HACE1: variants seen among roughly 807,000 people sequenced by gnomAD.
HACE1 encodes the protein HECT domain and ankyrin repeat containing E3 ubiquitin protein ligase 1.
HACE1 carries 73 observed loss-of-function variants against 118.4 expected under a neutral mutation model. That is an observed-to-expected ratio of 0.62 (90% CI 0.51 to 0.75). The LOEUF (loss-of-function observed/expected upper bound fraction) is 0.75. Among genes scored for constraint, HACE1 ranks in the 30% least tolerant of loss-of-function variants. The pLI is 0.00. For synonymous variants in HACE1, 368 were observed against 374.8 expected (o/e 0.98, Z 0.21); for missense variants, 749 against 1,102.2 (o/e 0.68, Z 4.54).
In HACE1 at chr6:104,831,980, G is replaced by GAGGAAGGA. The variant is rs71276551; in HGVS notation, c.534+1054_534+1061dup. 2.9e-3 allele frequency among the ~76,000 whole-genome samples: 184 copies of GAGGAAGGA among 62,888 alleles called. 4 individuals are homozygous for GAGGAAGGA. The highest frequency in any genetic ancestry group is 6.4e-3 in the African/African-American group (87 of 13,500). 41.3% of individuals were successfully genotyped at this position (62,888 alleles called of 152,430 possible). Reference sequence around the variant, plus strand: ...GAAGAGAAGAGAAGAGAAGAGAAGAGAGGAAGGAAGGAAGGAAGGAAGGAA... The same window carrying GAGGAAGGA: ...GAAGAGAAGAGAAGAGAAGAGAAGAGAGGAAGGAAGGAAGGAAGGAAGGAAGGAAGGAA... On this transcript the variant is annotated intron_variant, in intron 6 of 23. Coordinates refer to ENST00000262903, the MANE Select transcript of HACE1 (RefSeq NM_020771.4).
intron 19 of HACE1, among the ~76,000 whole-genome samples, chr6:104,770,961 A>C (rs1780536916): frequency 6.6e-6 from 1 of 152,226 alleles, no homozygotes; most frequent in Non-Finnish European, 1.5e-5. Context: ...CTATCAGCTG[A>C]AGTGCTCTCG....
rs1426276558 is a variant in HACE1, at chr6:104,774,091, TTTTTTTTTTTTTTTTTG to T, written c.1865-2034_1865-2018del. Among the ~76,000 whole-genome samples, 32 of 82,428 alleles carry T rather than the reference TTTTTTTTTTTTTTTTTG, an allele frequency of 3.9e-4. 2 individuals are homozygous for T. Among genetic ancestry groups the T allele is most frequent in the Middle Eastern group, 6.3e-3 (1 of 158 alleles). 54.1% of individuals were successfully genotyped at this position (82,428 alleles called of 152,430 possible). On this transcript the variant is annotated intron_variant, in intron 17 of 23. Coordinates refer to ENST00000262903, the MANE Select transcript of HACE1 (RefSeq NM_020771.4). Reference sequence around the variant, plus strand: ...TTATCATCTTTTCTCTTTTTTTTTTTTTTTTTTTTTTTTTTTGAGACGGAGTCTCGCTCTGTCGCCCA... The same window carrying T: ...TTATCATCTTTTCTCTTTTTTTTTTTAGACGGAGTCTCGCTCTGTCGCCCA...
intron 13 of HACE1, 114 bp from the exon 14 acceptor site, chr6:104,784,287 C>T: frequency 1.1e-6 from 1 of 870,514 alleles, no homozygotes; most frequent in South Asian, 1.4e-5. Context: ...TAATCCATAT[C>T]TATTAAAGTT....
chr6:104,831,254 G>A (rs1332986111), intron 6 of HACE1: 1 of 152,154 alleles, frequency 6.6e-6, no homozygotes, highest in Non-Finnish European at 1.5e-5. Context: ...GGAAAGCATT[G>A]TCATAAAACA....
rs1780665746 is a variant in HACE1 at position 104,771,994 on chromosome 6, C to T, written c.1945G>A (p.Gly649Arg). Reference sequence around the variant, plus strand: ...AGCTGCCTGTGGTTCAACGCTAATCCCAAGATCTGCCCAGCAAACCGAAAA... The same window carrying T: ...AGCTGCCTGTGGTTCAACGCTAATCTCAAGATCTGCCCAGCAAACCGAAAA... Reference protein sequence around the residue: ...NYFRFAGQILGLALNHRQLVN... With the variant: ...NYFRFAGQILRLALNHRQLVN... Residue 649 changes from glycine (G) to arginine (R), a missense_variant, in exon 18 of 24, where the codon GGA becomes AGA. Physicochemically the swap from Gly to Arg is moderately radical, Grantham distance 125. Coordinates refer to ENST00000262903, the MANE Select transcript of HACE1 (RefSeq NM_020771.4). The T allele has an allele frequency of 6.2e-7, 1 of 1,609,086 alleles. No homozygotes were observed. The highest frequency in any genetic ancestry group is 8.5e-7 in the Non-Finnish European group (1 of 1,175,754).
At chr6:104,750,259 T>C in intron 20 of HACE1, 82 bp downstream of exon 20, 1 of 1,137,054 alleles carries the variant, frequency 8.8e-7, no homozygotes, top group East Asian at 2.4e-5. Flanking sequence ...TTCATCATAA[T>C]ACTCCACAAT....
intron 19 of HACE1, among the ~76,000 whole-genome samples, chr6:104,755,487 TCAC>T (rs1778499854): frequency 1.3e-5 from 2 of 152,174 alleles, no homozygotes; most frequent in South Asian, 4.1e-4. Flanking sequence ...ATTCTTCTCA[TCAC>T]CACATGACAC....
At chr6:104,793,294 C>T (rs866419116) in intron 10 of HACE1, among the ~76,000 whole-genome samples, 9 of 150,302 alleles carry the variant, frequency 6.0e-5, no homozygotes, top group Admixed American at 4.0e-4. Flanking sequence ...AAATTAATTT[C>T]CTAACTCAAA....
intron 19 of HACE1, among the ~76,000 whole-genome samples, chr6:104,765,250 T>C (rs1383682983): frequency 6.6e-6 from 1 of 152,206 alleles, no homozygotes; most frequent in Non-Finnish European, 1.5e-5. Context: ...TATAAAATAT[T>C]TTCCCTGGTG....
chr6:104,742,711 G>T (rs867897968), intron 22 of HACE1, among the ~76,000 whole-genome samples: 3 of 151,506 alleles, frequency 2.0e-5, no homozygotes, highest in Non-Finnish European at 4.4e-5. Flanking sequence ...TACACTGTTG[G>T]TGGGACTGTA....
chr6:104,761,548 C>T (rs376783312), intron 19 of HACE1, among the ~76,000 whole-genome samples: 5 of 152,280 alleles, frequency 3.3e-5, no homozygotes, highest in African/African-American at 1.2e-4. Context: ...AAAATCAACT[C>T]AAGACGGATG....
chr6:104,729,789 T>A, intron 23 of HACE1, 25 bp from the exon 24 acceptor site: 1 of 944,576 alleles, frequency 1.1e-6, no homozygotes, highest in Non-Finnish European at 1.7e-6. Flanking sequence ...TATACCACCA[T>A]TAAACAGGAA....
In HACE1 at chr6:104,797,489, TA is replaced by T. The variant is rs111732820; in HGVS notation, c.618-465del. 6.5e-3 allele frequency among the ~76,000 whole-genome samples: 851 copies of T among 131,002 alleles called. 2 individuals carry two copies. The highest frequency in any genetic ancestry group is 0.018 in the African/African-American group (637 of 34,946). 85.9% of individuals were successfully genotyped at this position (131,002 alleles called of 152,430 possible). A position where few individuals can be genotyped will look rare whatever the true frequency, so the allele number is the denominator to read the frequency against. ...TTTATGGCACACTTGTAATACTTTG[TA>T]AAAAAAAAAAAAATTAAAAGGAAGG... is the stretch of plus-strand genomic sequence containing the variant. On this transcript the variant is annotated intron_variant, in intron 7 of 23. Transcript: ENST00000262903.
chr6:104,804,241 T>C (rs1366638749), intron 7 of HACE1, among the ~76,000 whole-genome samples: 3 of 152,284 alleles, frequency 2.0e-5, no homozygotes, highest in African/African-American at 7.2e-5. Context: ...AAGAACATTC[T>C]ATGCTCATGG....
chr6:104,746,935 CATT>C (rs1379414293), intron 20 of HACE1, among the ~76,000 whole-genome samples: 3 of 151,864 alleles, frequency 2.0e-5, no homozygotes, highest in Admixed American at 1.3e-4. Context: ...AAATGACTAA[CATT>C]ATATTCTCTC....
chr6:104,767,094 G>C (rs1340321385), intron 19 of HACE1, among the ~76,000 whole-genome samples: 1 of 152,082 alleles, frequency 6.6e-6, no homozygotes. Flanking sequence ...ACTAAATAAA[G>C]AGAAATAGCT....
At position 104,840,734 on chromosome 6, in the gene HACE1, C is replaced by T. The variant is rs576587607; in HGVS notation, c.402+2489G>A. On this transcript the variant is annotated intron_variant, in intron 5 of 23. Coordinates refer to ENST00000262903, the MANE Select transcript of HACE1 (RefSeq NM_020771.4). Reference sequence around the variant, plus strand: ...ATCCCAGCACTTTGGGAGGCCAAGGCGGGCAGATCACCTGAGGTCAGGAGT... The same window carrying T: ...ATCCCAGCACTTTGGGAGGCCAAGGTGGGCAGATCACCTGAGGTCAGGAGT... 3.0e-4 allele frequency among the ~76,000 whole-genome samples: 46 copies of T among 152,126 alleles called. No homozygotes were observed. The East Asian group carries it at 4.1e-3, about 13-fold the overall frequency.
chr6:104,757,878 G>C (rs1393566334), intron 19 of HACE1, among the ~76,000 whole-genome samples: 3 of 152,188 alleles, frequency 2.0e-5, no homozygotes, highest in East Asian at 3.9e-4. Context: ...GAAAACCACA[G>C]TATGAAAACT....
intron 20 of HACE1, among the ~76,000 whole-genome samples, chr6:104,749,852 G>A (rs1777848231): frequency 6.6e-6 from 1 of 152,028 alleles, no homozygotes; most frequent in African/African-American, 2.4e-5. Flanking sequence ...GGATGGCAAA[G>A]ACGATGGACT....
Sources: allele counts gnomAD v4.1 joint callset (sites outside exome capture counted in the v4.1 genomes callset), GRCh38; gene constraint gnomAD v4.1.1; transcripts MANE v1.5; gene names NCBI Gene and HGNC (gene_info 2026-07-23, HGNC 2026-07-21).